RALGAPB: variants seen among roughly 807,000 people sequenced by gnomAD.
The protein encoded by RALGAPB is Ral GTPase activating protein non-catalytic subunit beta.
Under a neutral mutation model 161.1 loss-of-function variants are expected in RALGAPB, and 25 were observed. That is an observed-to-expected ratio of 0.16 (90% CI 0.11 to 0.22). The LOEUF (loss-of-function observed/expected upper bound fraction) is 0.22, where lower values mean the gene tolerates loss of function less well. Ranked by LOEUF, RALGAPB falls within the 10% of genes least tolerant of loss-of-function variation. The pLI is 1.00. For synonymous variants in RALGAPB, 629 were observed against 626.1 expected (o/e 1.00, Z -0.07); for missense variants, 1,391 against 1,815.2 (o/e 0.77, Z 4.25).
chr20:38,476,634 T>G (rs1216359329), intron 1 of RALGAPB, among the ~76,000 whole-genome samples: 2 of 152,228 alleles, frequency 1.3e-5, no homozygotes, highest in African/African-American at 2.4e-5. Flanking sequence ...CCTCGACTTA[T>G]GATGGGATTA....
intron 1 of RALGAPB, among the ~76,000 whole-genome samples, chr20:38,487,819 C>G (rs2085162197): frequency 6.6e-6 from 1 of 152,144 alleles, no homozygotes; most frequent in Admixed American, 6.5e-5. Flanking sequence ...GTAATCCCAG[C>G]ACTTTGGGAG....
intron 24 of RALGAPB, among the ~76,000 whole-genome samples, chr20:38,564,627 G>A (rs2087917291): frequency 6.6e-6 from 1 of 152,024 alleles, no homozygotes; most frequent in Non-Finnish European, 1.5e-5. Flanking sequence ...GAACTATATA[G>A]CTCTCATGAA....
intron 5 of RALGAPB, among the ~76,000 whole-genome samples, chr20:38,505,333 C>T (rs369268871): frequency 6.6e-6 from 1 of 152,162 alleles, no homozygotes; most frequent in Non-Finnish European, 1.5e-5. Flanking sequence ...GAACAGAAAA[C>T]CAAGTATCAC....
intron 1 of RALGAPB, among the ~76,000 whole-genome samples, chr20:38,482,426 C>CTTTT (rs386393725): frequency 6.8e-4 from 83 of 121,340 alleles, no homozygotes; most frequent in East Asian, 1.5e-3. Flanking sequence ...GTATGTTTAT[C>CTTTT]TTTTTTTTTT....
intron 1 of RALGAPB, among the ~76,000 whole-genome samples, 161 bp from the exon 2 acceptor site, chr20:38,488,242 A>G (rs771427748): frequency 1.3e-5 from 2 of 152,212 alleles, no homozygotes; most frequent in East Asian, 3.8e-4. Flanking sequence ...CATAGTTTGA[A>G]AAACATTGAT....
At chr20:38,569,570 G>A (rs1451559147) in intron 26 of RALGAPB, 1 of 230,918 alleles carries the variant, frequency 4.3e-6, no homozygotes, top group Non-Finnish European at 8.8e-6. Context: ...CCCTAACAGA[G>A]ATAGACTCAA....
At chr20:38,515,518 T>C (rs948773893) in intron 6 of RALGAPB, among the ~76,000 whole-genome samples, 3 of 152,192 alleles carry the variant, frequency 2.0e-5, no homozygotes, top group African/African-American at 7.2e-5. Flanking sequence ...TGTTTGTACA[T>C]AAAATGTAAT....
At chr20:38,503,779 AAAG>A (rs1419759224) in intron 5 of RALGAPB, among the ~76,000 whole-genome samples, 1 of 152,210 alleles carries the variant, frequency 6.6e-6, no homozygotes, top group Non-Finnish European at 1.5e-5. Flanking sequence ...TTTTTTGTGA[AAAG>A]AAGAGTCAGT....
intron 23 of RALGAPB, among the ~76,000 whole-genome samples, chr20:38,559,997 C>G (rs887431180): frequency 1.3e-5 from 2 of 152,102 alleles, no homozygotes; most frequent in Non-Finnish European, 2.9e-5. Context: ...ATCAGCTAAT[C>G]AAATTAGCAT....
chr20:38,514,026 C>G (rs1462391534), intron 6 of RALGAPB, among the ~76,000 whole-genome samples: 7 of 152,128 alleles, frequency 4.6e-5, no homozygotes, highest in Admixed American at 4.6e-4. Context: ...AGTCTTTCTT[C>G]TTGAGCTGAC....
intron 27 of RALGAPB, 138 bp from the exon 28 acceptor site, chr20:38,570,631 A>C: frequency 2.2e-6 from 1 of 448,644 alleles, no homozygotes; most frequent in Non-Finnish European, 4.0e-6. Context: ...GTAGAGAATA[A>C]TTAAGATGAT....
rs150506409 is a variant in RALGAPB at position 38,532,781 on chromosome 20, A to G, written c.2167A>G (p.Ser723Gly). 6.8e-6 allele frequency: 11 copies of G among 1,613,816 alleles called. No homozygotes were observed. Among genetic ancestry groups the G allele is most frequent in the Non-Finnish European group, 9.3e-6 (11 of 1,179,784 alleles). Residue 723 changes from serine (S) to glycine (G), a missense_variant, in exon 15 of 30, where the codon AGT becomes GGT. By Grantham distance (56) the Ser-to-Gly change is moderately conservative (BLOSUM62 0). Coordinates refer to ENST00000262879, the MANE Select transcript of RALGAPB (RefSeq NM_020336.4). ...KSHSRTNSGI[S>G]SASGGSTEPT... ...TCATAGTCGCACCAATAGTGGTATT[A>G]GTTCAGCAAGTGGTGGAAGCACGGA...
At chr20:38,518,455 T>G (rs1184667931) in intron 9 of RALGAPB, among the ~76,000 whole-genome samples, 4 of 152,222 alleles carry the variant, frequency 2.6e-5, no homozygotes, top group Non-Finnish European at 1.5e-5. Flanking sequence ...CCTCTCAAAT[T>G]TTAGTCTAGA....
At chr20:38,501,388 G>A (rs2085589443) in intron 5 of RALGAPB, among the ~76,000 whole-genome samples, 1 of 152,214 alleles carries the variant, frequency 6.6e-6, no homozygotes, top group Non-Finnish European at 1.5e-5. Flanking sequence ...GAGGTGGGCA[G>A]ATTAGTTGAG....
rs1280937869 is a variant in RALGAPB at position 38,578,516 on chromosome 20, C to G, written c.*3549C>G. On this transcript the variant is annotated 3_prime_UTR_variant, in exon 30 of 30. Coordinates refer to ENST00000262879, the MANE Select transcript of RALGAPB (RefSeq NM_020336.4). Reference sequence around the variant, plus strand: ...CTCTTATAGTGACCAAGACATCTTTCTCCTCTGAAGGGCTTGGCAGTTGTG... The same window carrying G: ...CTCTTATAGTGACCAAGACATCTTTGTCCTCTGAAGGGCTTGGCAGTTGTG... 1 of 152,614 alleles carries G rather than the reference C, an allele frequency of 6.6e-6. No individual in the cohort carries two copies. Among genetic ancestry groups the G allele is most frequent in the East Asian group, 1.9e-4 (1 of 5,200 alleles). 9.5% of individuals were successfully genotyped at this position (152,614 alleles called of 1,614,324 possible).
rs200910130 is a variant in RALGAPB at position 38,570,002 on chromosome 20, G to C, written c.4063+6G>C. ...GGAACGCTATGATGATATAGGTACT[G>C]TATGAGGACTTTGTCCATAAATAAA... On this transcript the variant is annotated splice_donor_region_variant and intron_variant, in intron 27 of 29. Coordinates refer to ENST00000262879, the MANE Select transcript of RALGAPB (RefSeq NM_020336.4). 5.6e-6 allele frequency: 9 copies of C among 1,597,848 alleles called. No individual in the cohort carries two copies. Among genetic ancestry groups the C allele is most frequent in the Non-Finnish European group, 7.7e-6 (9 of 1,165,526 alleles).
chr20:38,487,085 G>A (rs1375604359), intron 1 of RALGAPB, among the ~76,000 whole-genome samples: 1 of 152,224 alleles, frequency 6.6e-6, no homozygotes, highest in Non-Finnish European at 1.5e-5. Context: ...CCAAAGAGAG[G>A]ACATTTGAGT....
chr20:38,528,864 T>C (rs555457836), intron 13 of RALGAPB, among the ~76,000 whole-genome samples: 11 of 152,274 alleles, frequency 7.2e-5, no homozygotes, highest in African/African-American at 2.4e-4. Context: ...TATTTTTTAG[T>C]AGACACAGGA....
rs778126199 is a variant in RALGAPB, at chr20:38,546,218, C to T, written c.2715-25C>T. 5 of 1,612,658 alleles carry T rather than the reference C, an allele frequency of 3.1e-6. No homozygotes were observed. In the African/African-American group the frequency reaches 6.7e-5, roughly 22 times the overall value. On this transcript the variant is annotated intron_variant, in intron 18 of 29. Coordinates refer to ENST00000262879, the MANE Select transcript of RALGAPB (RefSeq NM_020336.4). ...CTGAAGATTTTGCTTTGGGAATTAA[C>T]TGTTATCTTTTCCATTCTCCATAGC...
Sources: gnomAD v4.1 joint callset for allele counts (sites outside exome capture counted in the v4.1 genomes callset) on GRCh38, gnomAD v4.1.1 for gene constraint, MANE v1.5 for transcripts, NCBI Gene and HGNC (gene_info 2026-07-23, HGNC 2026-07-21) for gene names.